NLK: variants seen among roughly 807,000 people sequenced by gnomAD.
The protein encoded by NLK is serine/threonine-protein kinase NLK.
NLK carries 11 observed loss-of-function variants against 59.0 expected under a neutral mutation model. The observed-to-expected ratio is 0.19, with a 90% CI of 0.12 to 0.31. The LOEUF is 0.31. Among genes scored for constraint, NLK ranks in the 10% least tolerant of loss-of-function variants. NLK has a pLI of 1.00. For synonymous variants in NLK, 235 were observed against 235.9 expected, an observed-to-expected ratio of 1.00 and a Z score of 0.03; for missense variants, 410 against 661.1, an observed-to-expected ratio of 0.62 and a Z score of 4.16.
At chr17:28,109,032 A>G (rs889156268) in intron 1 of NLK, among the ~76,000 whole-genome samples, 1 of 152,052 alleles carries the variant, frequency 6.6e-6, no homozygotes, top group Middle Eastern at 3.2e-3. Flanking sequence ...GTAGCCGGGC[A>G]TGGTGGTGGG....
At chr17:28,145,964 C>G (rs1430705163) in intron 3 of NLK, among the ~76,000 whole-genome samples, 2 of 152,198 alleles carry the variant, frequency 1.3e-5, no homozygotes, top group Non-Finnish European at 2.9e-5. Flanking sequence ...CCTCAGCCTC[C>G]CAAAGTGCTG....
chr17:28,178,757 G>GGGATTTAT (rs1473182557), intron 7 of NLK, among the ~76,000 whole-genome samples: 1 of 152,172 alleles, frequency 6.6e-6, no homozygotes, highest in African/African-American at 2.4e-5. Flanking sequence ...TTTATAGGTG[G>GGGATTTAT]GGATTTATGT....
chr17:28,177,180 G>A (rs544539105), intron 7 of NLK, among the ~76,000 whole-genome samples: 1 of 152,012 alleles, frequency 6.6e-6, no homozygotes, highest in South Asian at 2.1e-4. Context: ...TGGAGGAGGT[G>A]GAAGGAGAGG....
chr17:28,174,154 T>A (rs767945283), intron 7 of NLK, among the ~76,000 whole-genome samples: 1 of 152,164 alleles, frequency 6.6e-6, no homozygotes, highest in Admixed American at 6.5e-5. Flanking sequence ...ACTTTTTCTG[T>A]GAAAATTTTA....
chr17:28,205,276 T>A, the NLK span, among the ~76,000 whole-genome samples: 1 of 152,118 alleles, frequency 6.6e-6, no homozygotes, highest in African/African-American at 2.4e-5. Context: ...AAACCTTGAT[T>A]TATTATTTTT....
chr17:28,084,541 G>C (rs1316423588), intron 1 of NLK, among the ~76,000 whole-genome samples: 1 of 151,992 alleles, frequency 6.6e-6, no homozygotes, highest in African/African-American at 2.4e-5. Flanking sequence ...TTGTCAACGG[G>C]GCTGTACATT....
chr17:28,191,053 C>G lies in NLK; in HGVS notation c.1269C>G (p.Ala423=), dbSNP rs1450503529. 6.2e-7 allele frequency: 1 copy of G among 1,608,292 alleles called. No individual in the cohort carries two copies. The highest frequency in any genetic ancestry group is 8.5e-7 in the Non-Finnish European group (1 of 1,178,230). The change falls in exon 9 of 11, where the codon GCC becomes GCG. Residue 423 remains alanine, a synonymous_variant. Transcript: ENST00000407008. ...GAATATCCGCTAAGGATGCCTTAGC[C>G]CACCCCTACCTAGATGAAGGGCGAC... ...SKRISAKDAL[A]HPYLDEGRLR... is the part of the protein sequence containing the mutation.
At chr17:28,132,567 A>G in intron 2 of NLK, 53 bp from the exon 3 acceptor site, 1 of 1,395,350 alleles carries the variant, frequency 7.2e-7, no homozygotes, top group Non-Finnish European at 1.0e-6. Context: ...TTTATGTCGA[A>G]TTTTGTTTCC....
chr17:28,191,970 G>T (rs186216737), intron 9 of NLK, 150 bp from the exon 10 acceptor site: 191 of 529,860 alleles, frequency 3.6e-4, no homozygotes, highest in African/African-American at 3.3e-3. Context: ...AGGAAGTTCA[G>T]CTGAATTCTG....
chr17:28,185,115 C>A, intron 7 of NLK, 64 bp from the exon 8 acceptor site: 2 of 887,412 alleles, frequency 2.3e-6, no homozygotes, highest in Non-Finnish European at 3.4e-6. Context: ...CATAAATTGG[C>A]TGTATTCCAT....
At chr17:28,065,742 C>T (rs988894018) in intron 1 of NLK, among the ~76,000 whole-genome samples, 11 of 152,162 alleles carry the variant, frequency 7.2e-5, no homozygotes, top group Admixed American at 1.3e-4. Flanking sequence ...TATCCCATAA[C>T]TTGCTTGAGG....
At position 28,156,241 on chromosome 17, in the gene NLK, A is replaced by G. The variant is rs1597714488; in HGVS notation, c.645-4919A>G. ...CAATATTAATCATTTTGCCAATCTC[A>G]TTTCCTCTATTCTTTTTTATTGAGG... On this transcript the variant is annotated intron_variant, in intron 3 of 10. Transcript: ENST00000407008. Among the ~76,000 whole-genome samples, 4 of 152,058 alleles carry G rather than the reference A, an allele frequency of 2.6e-5. No homozygotes were observed. In the South Asian group the frequency reaches 8.3e-4, roughly 32 times the overall value.
rs201538445 is a variant in NLK, at chr17:28,174,205, TA to T, written c.1149+1594del. Among the ~76,000 whole-genome samples the T allele has an allele frequency of 8.0e-3, 1,214 of 151,636 alleles. 6 individuals carry two copies. The highest frequency in any genetic ancestry group is 0.014 in the Non-Finnish European group (949 of 67,818). On this transcript the variant is annotated intron_variant, in intron 7 of 10. Coordinates refer to ENST00000407008, the MANE Select transcript of NLK (RefSeq NM_016231.5). ...TAAAAACCTAAGACTTTCCATGAAATAAAAAAAGGGTAAATATATTATTTTG... is the reference window on the plus strand; with the variant it reads ...TAAAAACCTAAGACTTTCCATGAAATAAAAAAGGGTAAATATATTATTTTG...
intron 3 of NLK, among the ~76,000 whole-genome samples, chr17:28,149,572 C>G (rs1034759352): frequency 7.2e-5 from 11 of 152,170 alleles, no homozygotes; most frequent in African/African-American, 2.7e-4. Context: ...AGATTTATCT[C>G]TTTAGAAGAA....
In NLK at chr17:28,077,073, C is replaced by CTTTTTTTTTTTTTTTTTTTTTTT. The variant is rs35639099; in HGVS notation, c.458+33745_458+33767dup. Among the ~76,000 whole-genome samples, 59 of 42,496 alleles carry CTTTTTTTTTTTTTTTTTTTTTTT rather than the reference C, an allele frequency of 1.4e-3. 2 individuals carry two copies. The highest frequency in any genetic ancestry group is 1.8e-3 in the African/African-American group (19 of 10,802). 27.9% of individuals were successfully genotyped at this position (42,496 alleles called of 152,430 possible). A position where few individuals can be genotyped will look rare whatever the true frequency, so the allele number is the denominator to read the frequency against. On this transcript the variant is annotated intron_variant, in intron 1 of 10. Transcript: ENST00000407008. ...CTTTGCTTTGTACTTCTCTTTCTTTCTTTTTTTTTTTTTTTTTTTTTTTTT... is the reference window on the plus strand; with the variant it reads ...CTTTGCTTTGTACTTCTCTTTCTTTCTTTTTTTTTTTTTTTTTTTTTTTTTTTTTTTTTTTTTTTTTTTTTTTT...
chr17:28,094,100 A>G (rs779201868), intron 1 of NLK, among the ~76,000 whole-genome samples: 37 of 152,214 alleles, frequency 2.4e-4, no homozygotes, highest in Non-Finnish European at 4.1e-4. Context: ...TTCTCATCAG[A>G]TGATACTTAA....
At chr17:28,203,132 CGTAT>C in the NLK span, among the ~76,000 whole-genome samples, 1 of 149,690 alleles carries the variant, frequency 6.7e-6, no homozygotes, top group South Asian at 2.1e-4. Context: ...CACGCAAACA[CGTAT>C]GTGTGTGTAT....
intron 3 of NLK, among the ~76,000 whole-genome samples, chr17:28,153,459 C>T (rs980373986): frequency 6.6e-6 from 1 of 152,140 alleles, no homozygotes; most frequent in Non-Finnish European, 1.5e-5. Flanking sequence ...CATTCTTTAA[C>T]TATAACCTAA....
At chr17:28,053,353 CTGAGT>C (rs1017125980) in intron 1 of NLK, among the ~76,000 whole-genome samples, 1 of 152,150 alleles carries the variant, frequency 6.6e-6, no homozygotes, top group African/African-American at 2.4e-5. Context: ...CCTGTCTGTC[CTGAGT>C]TATTTGGAGG....
Sources: allele counts gnomAD v4.1 joint callset (sites outside exome capture counted in the v4.1 genomes callset), GRCh38; gene constraint gnomAD v4.1.1; transcripts MANE v1.5; gene names NCBI Gene and HGNC (gene_info 2026-07-23, HGNC 2026-07-21).